Variants in TMEM94 observed in about 807,000 individuals in gnomAD.
The protein encoded by TMEM94 is ER Mg2+ ATPase.
In TMEM94, 81 loss-of-function variants were observed where a neutral mutation model predicts 158.6. The observed-to-expected ratio is 0.51, with a 90% CI of 0.43 to 0.61. The LOEUF (loss-of-function observed/expected upper bound fraction) is 0.61. Ranked by LOEUF, TMEM94 falls within the 20% of genes least tolerant of loss-of-function variation. The pLI is 0.00. For synonymous variants in TMEM94, 751 were observed against 730.7 expected (o/e 1.03, Z -0.45); for missense variants, 1,435 against 1,762.0 (o/e 0.81, Z 3.32).
intron 1 of TMEM94, among the ~76,000 whole-genome samples, chr17:75,461,188 C>T (rs1477029555): frequency 6.7e-6 from 1 of 148,970 alleles, no homozygotes; most frequent in Non-Finnish European, 1.5e-5. Flanking sequence ...CAATCTCCGC[C>T]TCCCGAGTTC....
Position 75,493,537 on chromosome 17 carries a change from G to T in TMEM94, c.2133G>T (p.Glu711Asp). The change falls in exon 17 of 32, where the codon GAG becomes GAT. Residue 711 changes from glutamate to aspartate, a missense_variant. By Grantham distance (45) the Glu-to-Asp change is conservative (BLOSUM62 2). Around this residue, in one of 3 missense-constraint regions of TMEM94, gnomAD observed 1,051 missense variants for 1,254.4 expected, o/e 0.84. Transcript: ENST00000314256. ...ATGGCACCGCTGATGTGGTCTTAGA[G>T]GCCTGCACAGACTTCTGGGACGGAG... ...LSHGTADVVL[E>D]ACTDFWDGAD... 2 of 1,614,058 alleles carry T rather than the reference G, an allele frequency of 1.2e-6. No homozygotes were observed. Among genetic ancestry groups the T allele is most frequent in the Non-Finnish European group, 1.7e-6 (2 of 1,180,038 alleles).
Position 75,495,256 on chromosome 17 carries a change from G to T in TMEM94, c.2729-28G>T. The stretch of plus-strand genomic sequence containing the variant: ...CAGGTTCCCAGAAGGCTGGTCCCAA[G>T]GTGAGGGAGAGGCTTTTGTCCCCAC... On this transcript the variant is annotated intron_variant, in intron 20 of 31. Coordinates refer to ENST00000314256, the MANE Select transcript of TMEM94 (RefSeq NM_014738.6). This position sits in a 1 kb window ranked among gnomAD's most constrained non-coding sequence, Gnocchi z 5.6. 6.4e-7 allele frequency: 1 copy of T among 1,555,174 alleles called. No homozygotes were observed. Among genetic ancestry groups the T allele is most frequent in the Admixed American group, 1.8e-5 (1 of 55,376 alleles).
At position 75,489,185 on chromosome 17, in the gene TMEM94, G is replaced by T. The variant is rs1295812674; in HGVS notation, c.765-81G>T. On this transcript the variant is annotated intron_variant, in intron 7 of 31. Coordinates refer to ENST00000314256, the MANE Select transcript of TMEM94 (RefSeq NM_014738.6). This position sits in a 1 kb window ranked among gnomAD's most constrained non-coding sequence, Gnocchi z 5.0. ...ACGGTGCTTGAAGAAGCGGTATCTG[G>T]CAGAGAGGCCCAGAATCCTCCCAAG... 3 of 1,348,972 alleles carry T rather than the reference G, an allele frequency of 2.2e-6. No homozygotes were observed. The highest frequency in any genetic ancestry group is 1.4e-5 in the African/African-American group (1 of 69,346). The allele number at this position is 1,348,972 out of a possible 1,614,324, so 83.6% of individuals were successfully genotyped here.
rs1269260448 is a variant in TMEM94 at position 75,498,597 on chromosome 17, G to A, written c.3734-32G>A. The A allele has an allele frequency of 7.4e-6, 12 of 1,613,148 alleles. No individual in the cohort carries two copies. The highest frequency in any genetic ancestry group is 1.0e-5 in the Non-Finnish European group (12 of 1,179,638). On this transcript the variant is annotated intron_variant, in intron 29 of 31. Transcript: ENST00000314256. This position sits in a 1 kb window ranked among gnomAD's most constrained non-coding sequence, Gnocchi z 6.7. ...GTGGGAGAGGAGCCCCACTGTGGAA[G>A]TCTGACCCCCACATCGCCCCACCTT...
rs372321686 is a variant in TMEM94 at position 75,496,260 on chromosome 17, G to A, written c.3054-22G>A. On this transcript the variant is annotated intron_variant, in intron 23 of 31. Transcript: ENST00000314256. Reference sequence around the variant, plus strand: ...CCTGTGGGAGATACAGCTGAAGTGTGTGTGTCCCCCACCCTGAGCAGCATT... The same window carrying A: ...CCTGTGGGAGATACAGCTGAAGTGTATGTGTCCCCCACCCTGAGCAGCATT... 76 of 1,613,994 alleles carry A rather than the reference G, an allele frequency of 4.7e-5. No homozygotes were observed. The African/African-American group carries it at 9.6e-4, about 20-fold the overall frequency.
In TMEM94 at chr17:75,493,735, G is replaced by A. The variant is rs1029359270; in HGVS notation, c.2226G>A (p.Leu742=). 2 of 1,614,126 alleles carry A rather than the reference G, an allele frequency of 1.2e-6. No individual in the cohort carries two copies. Among genetic ancestry groups the A allele is most frequent in the Admixed American group, 1.7e-5 (1 of 60,034 alleles). ...TGGACTTCTACCAGCGAGCCTGCCT[G>A]TCTGGGTATTGCTCTGCCTTCGCCT... is the stretch of plus-strand genomic sequence containing the variant. The part of the protein sequence containing the change: ...KVLDFYQRAC[L]SGYCSAFAYK... Residue 742 remains leucine (L), a synonymous_variant, in exon 18 of 32, where the codon CTG becomes CTA. Coordinates refer to ENST00000314256, the MANE Select transcript of TMEM94 (RefSeq NM_014738.6).
At chr17:75,478,312 C>T (rs1211857508) in intron 2 of TMEM94, among the ~76,000 whole-genome samples, 1 of 139,738 alleles carries the variant, frequency 7.2e-6, no homozygotes. Flanking sequence ...CCACCGCGCC[C>T]GGCCGAGACT....
At chr17:75,463,495 A>G (rs1196512122) in intron 1 of TMEM94, among the ~76,000 whole-genome samples, 1 of 152,076 alleles carries the variant, frequency 6.6e-6, no homozygotes. Flanking sequence ...CAACTGAACA[A>G]GATATTCCAG....
At position 75,474,091 on chromosome 17, in the gene TMEM94, C is replaced by T. The variant is rs11867592; in HGVS notation, c.24+2162C>T. On this transcript the variant is annotated intron_variant, in intron 2 of 31. Transcript: ENST00000314256. ...TTGCACTACTGCACTTCAGCCTGGG[C>T]GACAGAGCAAGACTGTCTCAAAACA... 5.7e-3 allele frequency among the ~76,000 whole-genome samples: 866 copies of T among 151,850 alleles called. 12 individuals carry two copies. Among genetic ancestry groups the T allele is most frequent in the African/African-American group, 0.018 (760 of 41,400 alleles).
At chr17:75,476,657 G>T (rs775677138) in intron 2 of TMEM94, 205 of 1,534,836 alleles carry the variant, frequency 1.3e-4, no homozygotes, top group Non-Finnish European at 1.7e-4. Context: ...GGAAGTTCTT[G>T]CAGCTGACTG....
In TMEM94 at chr17:75,498,198, C is replaced by T; in HGVS notation, c.3513C>T (p.Cys1171=). 6.2e-7 allele frequency: 1 copy of T among 1,613,974 alleles called. No individual in the cohort carries two copies. The highest frequency in any genetic ancestry group is 1.3e-5 in the African/African-American group (1 of 75,050). ...AGACCCAGCACTACTTCCTGCTCTG[C>T]TTCCTGCTCAAGTTCAGCCTCACCA... The part of the protein sequence containing the change: ...PKKTQHYFLL[C]FLLKFSLTIS... The change falls in exon 28 of 32, where the codon TGC becomes TGT. Residue 1171 remains cysteine (C), a synonymous_variant. Coordinates refer to ENST00000314256, the MANE Select transcript of TMEM94 (RefSeq NM_014738.6). This position sits in a 1 kb window ranked among gnomAD's most constrained non-coding sequence, Gnocchi z 6.7.
Position 75,487,541 on chromosome 17 carries a change from G to A in TMEM94, c.410-391G>A, listed in dbSNP as rs994548138. ...CAGGGATCTTTGTTAATGCTTAGCC[G>A]TGTTTGCCTTGTTTGGCGTTATCTG... On this transcript the variant is annotated intron_variant, in intron 5 of 31. Transcript: ENST00000314256. This position sits in a 1 kb window ranked among gnomAD's most constrained non-coding sequence, Gnocchi z 4.6. Among the ~76,000 whole-genome samples the A allele has an allele frequency of 6.6e-6, 1 of 152,190 alleles. No homozygotes were observed. The highest frequency in any genetic ancestry group is 1.5e-5 in the Non-Finnish European group (1 of 68,036).
In TMEM94 at chr17:75,497,813, CCAT is replaced by C. The variant is rs755756069; in HGVS notation, c.3444_3446del (p.Ile1148del). 1 of 1,614,004 alleles carries C rather than the reference CCAT, an allele frequency of 6.2e-7. No homozygotes were observed. The highest frequency in any genetic ancestry group is 1.1e-5 in the South Asian group (1 of 91,080). On this transcript the variant is annotated inframe_deletion, in exon 27 of 32. Coordinates refer to ENST00000314256, the MANE Select transcript of TMEM94 (RefSeq NM_014738.6). ...CTGCTGGGGAAGCCCCCCCATAGCT[CCAT>C]CATGTCTATGGCAACGGGGAAAAAC...
chr17:75,463,128 GTGTATATA>G (rs1567905109), intron 1 of TMEM94, among the ~76,000 whole-genome samples: 2 of 2,088 alleles, frequency 9.6e-4, no homozygotes, highest in Non-Finnish European at 3.1e-3. Flanking sequence ...ATATATATAC[GTGTATATA>G]TGTATATATA....
chr17:75,459,538 C>T (rs1323687482), intron 1 of TMEM94, among the ~76,000 whole-genome samples: 1 of 152,184 alleles, frequency 6.6e-6, no homozygotes, highest in African/African-American at 2.4e-5. Context: ...AGGTTGTGAT[C>T]GTCCTGTTCC....
chr17:75,491,937 C>A lies in TMEM94; in HGVS notation c.1596+37C>A, dbSNP rs752679260. 1.3e-6 allele frequency: 2 copies of A among 1,571,822 alleles called. No individual in the cohort carries two copies. The highest frequency in any genetic ancestry group is 1.1e-5 in the South Asian group (1 of 87,552). On this transcript the variant is annotated intron_variant, in intron 14 of 31. Coordinates refer to ENST00000314256, the MANE Select transcript of TMEM94 (RefSeq NM_014738.6). The surrounding 1 kb of genome is among the most constrained non-coding windows in gnomAD (Gnocchi z 5.1). ...GGGTGGCACGGGGCAGCCACACCCT[C>A]GGCCACAGGCTGTCCTGGCCTCCCT...
At chr17:75,480,163 G>A (rs189426562) in intron 2 of TMEM94, among the ~76,000 whole-genome samples, 48 of 152,320 alleles carry the variant, frequency 3.2e-4, no homozygotes, top group African/African-American at 1.0e-3. Context: ...CCCCCTGCTG[G>A]AGAGGGAAGA....
Position 75,496,796 on chromosome 17 carries a change from G to C in TMEM94, c.3310G>C (p.Val1104Leu). 1.2e-6 allele frequency: 2 copies of C among 1,613,720 alleles called. No individual in the cohort carries two copies. The highest frequency in any genetic ancestry group is 1.1e-5 in the South Asian group (1 of 91,090). The change falls in exon 25 of 32, where the codon GTG (valine) becomes CTG (leucine). Residue 1104 changes from valine to leucine, a missense_variant. Val to Leu is a conservative substitution (Grantham distance 32). Transcript: ENST00000314256. ...CCTGCTGCAGTGCCAGCTGACTCTT[G>C]TGGTCATCCAGGTGAGGTGGGGCCC... ...LFLLQCQLTLVVIQFLSCLVQ... is the reference protein window; with the variant it reads ...LFLLQCQLTLLVIQFLSCLVQ...
intron 2 of TMEM94, among the ~76,000 whole-genome samples, chr17:75,484,899 A>G (rs894264886): frequency 7.9e-5 from 12 of 151,878 alleles, no homozygotes; most frequent in African/African-American, 1.4e-4. Flanking sequence ...TTAGCCCGAC[A>G]TGGTGGTGTG....
Sources: gnomAD v4.1 joint callset for allele counts (sites outside exome capture counted in the v4.1 genomes callset) on GRCh38, gnomAD v4.1.1 for gene constraint, gnomAD v4.1.1 regional missense constraint, Gnocchi (gnomAD v3.1) non-coding constraint, MANE v1.5 for transcripts, NCBI Gene and HGNC (gene_info 2026-07-23, HGNC 2026-07-21) for gene names.